The following CACNA2D3 variants were observed in gnomAD, a reference collection of about 807,000 sequenced individuals.
CACNA2D3 encodes the protein voltage-dependent calcium channel subunit alpha-2/delta-3.
CACNA2D3 carries 60 observed loss-of-function variants against 160.6 expected under a neutral mutation model. The ratio of observed to expected loss-of-function variants is 0.37; its 90% CI spans 0.30 to 0.46. The LOEUF (loss-of-function observed/expected upper bound fraction) is 0.46, where lower values mean the gene tolerates loss of function less well. Among genes scored for constraint, CACNA2D3 ranks in the 20% least tolerant of loss-of-function variants. The probability of loss-of-function intolerance (pLI) is 1.00; values close to 1 mark genes in which losing one functional copy is unlikely to be tolerated. For missense variants in CACNA2D3, 1,205 were observed against 1,365.0 expected (o/e 0.88, Z 1.85); for synonymous variants, 558 against 492.9 (o/e 1.13, Z -1.75).
chr3:55,007,907 A>G (rs932968198), intron 33 of CACNA2D3, 65 bp downstream of exon 33: 26 of 1,110,862 alleles, frequency 2.3e-5, no homozygotes, highest in African/African-American at 6.5e-5. Context: ...TCATAAAGTG[A>G]TCTAAGAGAT....
chr3:54,459,057 A>G (rs2106836167), intron 4 of CACNA2D3, among the ~76,000 whole-genome samples: 1 of 152,240 alleles, frequency 6.6e-6, no homozygotes, highest in East Asian at 1.9e-4. Flanking sequence ...TTTACTGAGA[A>G]TGATGATTTC....
chr3:54,406,903 A>G (rs1485263260), intron 4 of CACNA2D3, among the ~76,000 whole-genome samples: 2 of 152,070 alleles, frequency 1.3e-5, no homozygotes, highest in African/African-American at 2.4e-5. Context: ...ATTTTACTGT[A>G]TATATATATT....
At chr3:54,513,414 C>T (rs1559501615) in intron 5 of CACNA2D3, among the ~76,000 whole-genome samples, 1 of 152,102 alleles carries the variant, frequency 6.6e-6, no homozygotes, top group Non-Finnish European at 1.5e-5. Context: ...TACTATGTTT[C>T]AGGCATAATA....
intron 5 of CACNA2D3, among the ~76,000 whole-genome samples, chr3:54,520,259 G>A (rs773892032): frequency 6.6e-6 from 1 of 152,242 alleles, no homozygotes; most frequent in Non-Finnish European, 1.5e-5. Context: ...TCTGTCAGAA[G>A]TACTGGACCA....
At chr3:54,241,960 C>T (rs986745668) in intron 2 of CACNA2D3, among the ~76,000 whole-genome samples, 1 of 152,116 alleles carries the variant, frequency 6.6e-6, no homozygotes, top group African/African-American at 2.4e-5. Context: ...TATAGTAGTT[C>T]CTCTTTATCC....
chr3:54,475,591 A>G (rs962041320), intron 4 of CACNA2D3, among the ~76,000 whole-genome samples: 1 of 152,138 alleles, frequency 6.6e-6, no homozygotes, highest in Non-Finnish European at 1.5e-5. Flanking sequence ...CCCTTCCCCC[A>G]AGATCAACTA....
intron 11 of CACNA2D3, among the ~76,000 whole-genome samples, chr3:54,695,143 G>T (rs1053329620): frequency 2.0e-5 from 3 of 152,010 alleles, no homozygotes; most frequent in African/African-American, 7.3e-5. Context: ...TCAGCCTCCT[G>T]AGTAGCTGGG....
At chr3:54,249,960 C>A (rs1702155291) in intron 2 of CACNA2D3, among the ~76,000 whole-genome samples, 1 of 152,112 alleles carries the variant, frequency 6.6e-6, no homozygotes, top group Non-Finnish European at 1.5e-5. Context: ...ACCCAAGACT[C>A]CTCTGAAAAT....
At chr3:54,469,284 CAG>C (rs577038944) in intron 4 of CACNA2D3, among the ~76,000 whole-genome samples, 2 of 152,200 alleles carry the variant, frequency 1.3e-5, no homozygotes, top group Non-Finnish European at 2.9e-5. Flanking sequence ...CCCAGGCAAA[CAG>C]GGTCTGGAGT....
intron 11 of CACNA2D3, among the ~76,000 whole-genome samples, chr3:54,722,818 A>G (rs1161408662): frequency 6.6e-6 from 1 of 152,126 alleles, no homozygotes. Context: ...CTCCTGTATG[A>G]GGTGTCTGTC....
intron 3 of CACNA2D3, among the ~76,000 whole-genome samples, chr3:54,378,387 A>C (rs1699044776): frequency 6.6e-6 from 1 of 152,182 alleles, no homozygotes; most frequent in Admixed American, 6.5e-5. Flanking sequence ...GGCTGAGCTC[A>C]GGCAGTGATG....
chr3:54,581,216 A>C lies in CACNA2D3; in HGVS notation c.889-587A>C, dbSNP rs144114119. On this transcript the variant is annotated intron_variant, in intron 8 of 37. Coordinates refer to ENST00000474759, the MANE Select transcript of CACNA2D3 (RefSeq NM_018398.3). ...TGGTTGTGAGCTTCGGGCAAATAAA[A>C]AGTGTGGGGGGGTCCTATTCTGGAT... Among the ~76,000 whole-genome samples the C allele has an allele frequency of 2.3e-3, 351 of 152,304 alleles. 3 individuals carry two copies. The highest frequency in any genetic ancestry group is 6.8e-3 in the East Asian group (35 of 5,182).
intron 10 of CACNA2D3, among the ~76,000 whole-genome samples, chr3:54,641,763 T>C (rs1699525780): frequency 6.6e-6 from 1 of 152,202 alleles, no homozygotes; most frequent in Non-Finnish European, 1.5e-5. Context: ...TTAACATTAG[T>C]GCTGATCAGT....
intron 2 of CACNA2D3, among the ~76,000 whole-genome samples, chr3:54,268,074 G>T (rs1270352924): frequency 6.6e-6 from 1 of 152,194 alleles, no homozygotes; most frequent in East Asian, 1.9e-4. Context: ...TTCATATTCA[G>T]AATCAGAACA....
rs143348218 is a variant in CACNA2D3 at position 54,402,179 on chromosome 3, A to G, written c.381+15405A>G. ...TAAAAACTTAGCACTACAGAAACTT[A>G]CTAGATTACAAAGATAAAAAACAAG... is the stretch of plus-strand genomic sequence containing the variant. On this transcript the variant is annotated intron_variant, in intron 4 of 37. Transcript: ENST00000474759. Among the ~76,000 whole-genome samples the G allele has an allele frequency of 5.6e-3, 848 of 152,328 alleles. 5 individuals carry two copies. Among genetic ancestry groups the G allele is most frequent in the Middle Eastern group, 0.024 (7 of 294 alleles).
At chr3:54,441,979 AC>A (rs1376726329) in intron 4 of CACNA2D3, among the ~76,000 whole-genome samples, 2 of 152,134 alleles carry the variant, frequency 1.3e-5, no homozygotes, top group Non-Finnish European at 2.9e-5. Flanking sequence ...ATAATTTAAA[AC>A]TTTTTTTAGA....
At chr3:55,044,529 A>T (rs1704033097) in intron 35 of CACNA2D3, among the ~76,000 whole-genome samples, 1 of 151,988 alleles carries the variant, frequency 6.6e-6, no homozygotes, top group Non-Finnish European at 1.5e-5. Flanking sequence ...GACAGATTAT[A>T]TCGTATGTGC....
At position 54,721,665 on chromosome 3, in the gene CACNA2D3, A is replaced by T. The variant is rs1490221248; in HGVS notation, c.1168-30934A>T. ...AATCCCAACTACTTGGGAGGCTGAG[A>T]CCAGAGGATCACTTGAACCCAGGAG... On this transcript the variant is annotated intron_variant, in intron 11 of 37. Transcript: ENST00000474759. 2.0e-5 allele frequency among the ~76,000 whole-genome samples: 3 copies of T among 151,298 alleles called. No homozygotes were observed. In the South Asian group the frequency reaches 6.3e-4, roughly 32 times the overall value.
intron 13 of CACNA2D3, among the ~76,000 whole-genome samples, chr3:54,792,194 C>A (rs1360774745): frequency 6.6e-6 from 1 of 152,152 alleles, no homozygotes; most frequent in Non-Finnish European, 1.5e-5. Flanking sequence ...GAGCAGGCAA[C>A]TGATGCCTGA....
Sources: allele counts gnomAD v4.1 joint callset (sites outside exome capture counted in the v4.1 genomes callset), GRCh38; gene constraint gnomAD v4.1.1; transcripts MANE v1.5; gene names NCBI Gene and HGNC (gene_info 2026-07-23, HGNC 2026-07-21).